Variants in NPHP3 observed in about 807,000 individuals in gnomAD.
NPHP3 encodes the protein nephrocystin 3, also known as nephrocystin-3.
In NPHP3, 123 loss-of-function variants were observed where a neutral mutation model predicts 171.9. The observed-to-expected ratio is 0.72, with a 90% CI of 0.62 to 0.83. The LOEUF (loss-of-function observed/expected upper bound fraction) is 0.83. Among genes scored for constraint, NPHP3 ranks in the 40% least tolerant of loss-of-function variants. The pLI is 0.00. For synonymous variants in NPHP3, 558 were observed against 579.2 expected (o/e 0.96, Z 0.52); for missense variants, 1,506 against 1,591.9 (o/e 0.95, Z 0.92).
At position 132,717,179 on chromosome 3, in the gene NPHP3, G is replaced by A. The variant is rs111837543; in HGVS notation, c.671-270C>T. The A allele has an allele frequency of 2.1e-3, 793 of 378,686 alleles. 7 individuals are homozygous for A. The highest frequency in any genetic ancestry group is 0.016 in the African/African-American group (745 of 47,866). 23.5% of individuals were successfully genotyped at this position (378,686 alleles called of 1,614,324 possible). On this transcript the variant is annotated intron_variant, in intron 3 of 26. Coordinates refer to ENST00000337331, the MANE Select transcript of NPHP3 (RefSeq NM_153240.5). ...TACAATAAAAAAGAAATCATAATAA[G>A]AAGGAAGTTAAAAACATTTTACAAA...
intron 3 of NPHP3, among the ~76,000 whole-genome samples, chr3:132,718,591 C>T (rs775516457): frequency 2.0e-5 from 3 of 152,228 alleles, no homozygotes; most frequent in Non-Finnish European, 4.4e-5. Flanking sequence ...TTACACTATC[C>T]AGTCTTCCCA....
intron 8 of NPHP3, 30 bp downstream of exon 8, chr3:132,705,710 G>GATGA (rs765873485): frequency 1.8e-6 from 2 of 1,088,700 alleles, no homozygotes. Flanking sequence ...AAATATTTTA[G>GATGA]ATGAAAACTT....
chr3:132,719,903 C>CATATAT (rs10590809), intron 1 of NPHP3, 73 bp from the exon 2 acceptor site: 5 of 446,476 alleles, frequency 1.1e-5, no homozygotes, highest in Non-Finnish European at 1.4e-5. Flanking sequence ...TATATATATA[C>CATATAT]ATATATATAT....
rs757144214 is a variant in NPHP3 at position 132,708,201 on chromosome 3, C to G, written c.1175G>C (p.Arg392Pro). ...ATCTTCCAAACGATGAAAGATTAAT[C>G]GAGGTTTTCCTTCAGGGTTTTTCAG... ...AFLKNPEGKP[R>P]LIFHRLEDGK... The change falls in exon 7 of 27, where the codon CGA becomes CCA. Residue 392 changes from arginine to proline, a missense_variant. Arg to Pro is a moderately radical substitution (Grantham distance 103). Coordinates refer to ENST00000337331, the MANE Select transcript of NPHP3 (RefSeq NM_153240.5). The G allele has an allele frequency of 1.9e-6, 3 of 1,614,042 alleles. No homozygotes were observed. The highest frequency in any genetic ancestry group is 8.5e-7 in the Non-Finnish European group (1 of 1,179,916).
At chr3:132,705,297 A>T (rs1193336837) in intron 8 of NPHP3, among the ~76,000 whole-genome samples, 1 of 152,190 alleles carries the variant, frequency 6.6e-6, no homozygotes, top group Non-Finnish European at 1.5e-5. Context: ...CTTCCAGCTC[A>T]AGGCCCCTCC....
chr3:132,701,788 T>C (rs1939613881), intron 9 of NPHP3, among the ~76,000 whole-genome samples: 1 of 152,134 alleles, frequency 6.6e-6, no homozygotes, highest in African/African-American at 2.4e-5. Flanking sequence ...TTTGGGAGGC[T>C]GAGGCGGGTG....
intron 13 of NPHP3, among the ~76,000 whole-genome samples, chr3:132,698,977 C>T (rs886537046): frequency 6.6e-6 from 1 of 152,176 alleles, no homozygotes; most frequent in African/African-American, 2.4e-5. Context: ...ACTGCAACCT[C>T]TGCCTCCCAG....
chr3:132,718,940 C>A, intron 3 of NPHP3, 54 bp downstream of exon 3: 2 of 1,582,912 alleles, frequency 1.3e-6, no homozygotes, highest in Non-Finnish European at 1.7e-6. Context: ...GTTGGCTCTA[C>A]ATGTCATTAC....
intron 17 of NPHP3, among the ~76,000 whole-genome samples, chr3:132,691,508 C>A (rs1023268836): frequency 2.0e-5 from 3 of 151,942 alleles, no homozygotes; most frequent in African/African-American, 7.2e-5. Context: ...CAATTTAATT[C>A]AAACTTTAGT....
intron 2 of NPHP3, among the ~76,000 whole-genome samples, 196 bp from the exon 3 acceptor site, chr3:132,719,340 C>T (rs568166321): frequency 5.3e-5 from 8 of 152,064 alleles, no homozygotes; most frequent in Non-Finnish European, 7.4e-5. Context: ...CAGCAGGATG[C>T]GTGTCTGTGG....
intron 26 of NPHP3, 131 bp from the exon 27 acceptor site, chr3:132,682,221 T>G (rs1383380819): frequency 8.9e-6 from 7 of 788,582 alleles, no homozygotes; most frequent in Non-Finnish European, 1.3e-5. Context: ...GTGTATTCAC[T>G]CAAGCAGACC....
At chr3:132,710,021 T>A (rs1939866187) in intron 6 of NPHP3, among the ~76,000 whole-genome samples, 1 of 152,206 alleles carries the variant, frequency 6.6e-6, no homozygotes, top group African/African-American at 2.4e-5. Context: ...TAAAATGGTA[T>A]GATCTCTGGT....
chr3:132,684,849 C>T (rs1939115309), intron 23 of NPHP3, 55 bp from the exon 24 acceptor site: 3 of 1,594,942 alleles, frequency 1.9e-6, no homozygotes, highest in Non-Finnish European at 1.7e-6. Flanking sequence ...AGTTTGGAAT[C>T]CTGACCCCTA....
chr3:132,690,341 CT>C (rs1195943052), intron 19 of NPHP3, among the ~76,000 whole-genome samples, 186 bp downstream of exon 19: 2 of 152,178 alleles, frequency 1.3e-5, no homozygotes, highest in African/African-American at 4.8e-5. Flanking sequence ...CAGCAGTACT[CT>C]ATGTTTTCCT....
At chr3:132,699,632 A>G (rs1177867858) in intron 12 of NPHP3, among the ~76,000 whole-genome samples, 182 bp from the exon 13 acceptor site, 1 of 152,146 alleles carries the variant, frequency 6.6e-6, no homozygotes, top group Non-Finnish European at 1.5e-5. Flanking sequence ...ATTATCACCA[A>G]TCTGAACTCT....
At chr3:132,698,479 G>C (rs1265434648) in intron 13 of NPHP3, among the ~76,000 whole-genome samples, 1 of 151,948 alleles carries the variant, frequency 6.6e-6, no homozygotes, top group African/African-American at 2.4e-5. Context: ...GTTTCACCAT[G>C]TTGGCCAGGT....
chr3:132,698,996 G>A (rs539808690), intron 13 of NPHP3, among the ~76,000 whole-genome samples: 7 of 152,028 alleles, frequency 4.6e-5, no homozygotes, highest in African/African-American at 9.7e-5. Flanking sequence ...AGGTTCAAGC[G>A]ATTCTCCTGC....
rs150621470 is a variant in NPHP3 at position 132,699,742 on chromosome 3, G to A, written c.1887+176C>T. Among the ~76,000 whole-genome samples the A allele has an allele frequency of 3.1e-3, 467 of 151,900 alleles. 1 individual carries two copies. The highest frequency in any genetic ancestry group is 0.011 in the African/African-American group (444 of 41,454). On this transcript the variant is annotated intron_variant, in intron 12 of 26. Coordinates refer to ENST00000337331, the MANE Select transcript of NPHP3 (RefSeq NM_153240.5). ...TGGTCTTTCTTAATAAGATATTAGTGTCTGTGGGCATACGATATATTTTTT... is the reference window on the plus strand; with the variant it reads ...TGGTCTTTCTTAATAAGATATTAGTATCTGTGGGCATACGATATATTTTTT...
At position 132,697,371 on chromosome 3, in the gene NPHP3, T is replaced by C. The variant is rs1939482735; in HGVS notation, c.1986-9A>G. 1.3e-6 allele frequency: 2 copies of C among 1,569,986 alleles called. No homozygotes were observed. Among genetic ancestry groups the C allele is most frequent in the East Asian group, 2.2e-5 (1 of 44,562 alleles). The stretch of plus-strand genomic sequence containing the variant: ...GAAGTGTAGGCCACAACCTTTTATG[T>C]AAAGAAAAGAAAAATGAAATTTTAA... On this transcript the variant is annotated splice_polypyrimidine_tract_variant and intron_variant, in intron 13 of 26. Transcript: ENST00000337331.
Sources: gnomAD v4.1 joint callset for allele counts (sites outside exome capture counted in the v4.1 genomes callset) on GRCh38, gnomAD v4.1.1 for gene constraint, MANE v1.5 for transcripts, NCBI Gene and HGNC (gene_info 2026-07-23, HGNC 2026-07-21) for gene names.